Variants in JMJD1C observed in about 807,000 individuals in gnomAD.
JMJD1C encodes jumonji domain containing 1C, also known as jumonji domain-containing protein 1C.
Under a neutral mutation model 245.3 loss-of-function variants are expected in JMJD1C, and 31 were observed. The observed-to-expected ratio is 0.13, with a 90% CI of 0.09 to 0.17. The LOEUF (loss-of-function observed/expected upper bound fraction) is 0.17. JMJD1C is among the 10% of genes least tolerant of loss of function. The pLI is 1.00. For synonymous variants in JMJD1C, 1,057 were observed against 1,017.4 expected (o/e 1.04, Z -0.74); for missense variants, 2,691 against 3,000.2 (o/e 0.90, Z 2.41).
Position 63,208,011 on chromosome 10 carries a change from T to C in JMJD1C, c.3658A>G (p.Lys1220Glu). The part of the protein sequence containing the change: ...HPPIHHSLER[K>E]EGSYSSLSPP... ...GAAAGACTACTATAGCTGCCTTCCT[T>C]TCTTTCCAGGCTGTGATGGATTGGT... Residue 1220 changes from lysine to glutamate, a missense_variant, in exon 10 of 26, where the codon AAG becomes GAG. Lys to Glu is a moderately conservative substitution (Grantham distance 56, BLOSUM62 1). This residue lies in a region of JMJD1C where 1,562 missense variants were observed against 1,490.7 expected (regional missense o/e 1.05). Coordinates refer to ENST00000399262, the MANE Select transcript of JMJD1C (RefSeq NM_032776.3). 6.2e-7 allele frequency: 1 copy of C among 1,614,194 alleles called. No homozygotes were observed. The highest frequency in any genetic ancestry group is 8.5e-7 in the Non-Finnish European group (1 of 1,180,018).
intron 18 of JMJD1C, among the ~76,000 whole-genome samples, chr10:63,188,534 G>T (rs1844399552): frequency 1.3e-5 from 2 of 152,082 alleles, no homozygotes; most frequent in South Asian, 2.1e-4. Flanking sequence ...AATAAACAAA[G>T]TAAACATTTT....
intron 2 of JMJD1C, among the ~76,000 whole-genome samples, chr10:63,268,055 G>A (rs912611022): frequency 6.6e-6 from 1 of 151,626 alleles, no homozygotes; most frequent in African/African-American, 2.4e-5. Context: ...GGAAATTCAA[G>A]GAGCTTATGT....
chr10:63,391,137 G>C (rs1948020413), intron 1 of JMJD1C, among the ~76,000 whole-genome samples: 1 of 152,150 alleles, frequency 6.6e-6, no homozygotes, highest in African/African-American at 2.4e-5. Flanking sequence ...GATCAATTCA[G>C]TAAAGTTGCA....
intron 2 of JMJD1C, among the ~76,000 whole-genome samples, chr10:63,353,316 G>T (rs973152940): frequency 6.6e-6 from 1 of 152,092 alleles, no homozygotes; most frequent in African/African-American, 2.4e-5. Context: ...TTTGGGAAGG[G>T]GTCACGGTAA....
chr10:63,347,583 CA>C (rs551998323), intron 2 of JMJD1C, among the ~76,000 whole-genome samples: 256 of 65,358 alleles, frequency 3.9e-3, no homozygotes, highest in Middle Eastern at 0.01. Context: ...GAGTCCATCT[CA>C]AAAAAAAAAA....
chr10:63,328,932 C>T (rs1941829440), intron 2 of JMJD1C, among the ~76,000 whole-genome samples: 1 of 152,148 alleles, frequency 6.6e-6, no homozygotes, highest in African/African-American at 2.4e-5. Flanking sequence ...TCCACAGTGG[C>T]AGTGGAACTT....
chr10:63,386,281 A>T (rs967162875), intron 1 of JMJD1C, among the ~76,000 whole-genome samples: 1 of 151,900 alleles, frequency 6.6e-6, no homozygotes, highest in African/African-American at 2.4e-5. Flanking sequence ...GCCAGGGTCA[A>T]CACCCTAGCA....
At chr10:63,493,960 G>A (rs550577955) in intron 1 of JMJD1C, among the ~76,000 whole-genome samples, 2 of 152,274 alleles carry the variant, frequency 1.3e-5, no homozygotes, top group South Asian at 2.1e-4. Context: ...TTTTCTTCCC[G>A]TAGCTGGCAG....
At chr10:63,270,642 A>AT (rs1219319199) in intron 2 of JMJD1C, among the ~76,000 whole-genome samples, 1 of 151,950 alleles carries the variant, frequency 6.6e-6, no homozygotes, top group Non-Finnish European at 1.5e-5. Context: ...AACTCTTTGT[A>AT]TTTTTTGTAG....
chr10:63,447,642 T>G (rs192330658), intron 1 of JMJD1C, among the ~76,000 whole-genome samples: 1 of 152,096 alleles, frequency 6.6e-6, no homozygotes, highest in Non-Finnish European at 1.5e-5. Context: ...TAACCTGAAG[T>G]GATCAAATCT....
chr10:63,436,058 G>C (rs1022629940), intron 1 of JMJD1C, among the ~76,000 whole-genome samples: 4 of 152,130 alleles, frequency 2.6e-5, no homozygotes, highest in African/African-American at 9.7e-5. Flanking sequence ...CAGTGCATTG[G>C]AAGGCATTAA....
At chr10:63,305,137 G>A (rs1057147429) in intron 2 of JMJD1C, among the ~76,000 whole-genome samples, 1 of 151,980 alleles carries the variant, frequency 6.6e-6, no homozygotes, top group African/African-American at 2.4e-5. Flanking sequence ...GGGAGGCCGA[G>A]GCGGGCGGAT....
At chr10:63,451,005 T>C (rs1443386218) in intron 1 of JMJD1C, among the ~76,000 whole-genome samples, 1 of 150,806 alleles carries the variant, frequency 6.6e-6, no homozygotes, top group Non-Finnish European at 1.5e-5. Flanking sequence ...CAGTTGTGTT[T>C]CTATAAATCA....
intron 2 of JMJD1C, among the ~76,000 whole-genome samples, chr10:63,275,265 T>C (rs1432491108): frequency 1.3e-5 from 2 of 152,162 alleles, no homozygotes; most frequent in Non-Finnish European, 2.9e-5. Flanking sequence ...TTCATGCTGG[T>C]TGGCATGGGT....
At chr10:63,189,569 G>T (rs1230285774) in intron 17 of JMJD1C, 123 bp from the exon 18 acceptor site, 1 of 791,976 alleles carries the variant, frequency 1.3e-6, no homozygotes, top group Non-Finnish European at 1.9e-6. Context: ...ACTTCTCTTA[G>T]ATTTGAGTTC....
At chr10:63,390,778 T>C (rs1295934035) in intron 1 of JMJD1C, among the ~76,000 whole-genome samples, 1 of 152,142 alleles carries the variant, frequency 6.6e-6, no homozygotes, top group Non-Finnish European at 1.5e-5. Flanking sequence ...AGAAGAAGTA[T>C]TTGATAAAAT....
intron 1 of JMJD1C, among the ~76,000 whole-genome samples, chr10:63,412,075 T>A (rs920542420): frequency 3.9e-5 from 6 of 151,994 alleles, no homozygotes; most frequent in African/African-American, 9.7e-5. Flanking sequence ...ATGTGTTTTT[T>A]AAAAACATGA....
chr10:63,377,891 T>C (rs2134479118), intron 2 of JMJD1C, among the ~76,000 whole-genome samples: 1 of 143,862 alleles, frequency 7.0e-6, no homozygotes, highest in East Asian at 2.1e-4. Flanking sequence ...AAGTGAGATC[T>C]TGTCTAAATA....
chr10:63,190,810 T>G (rs1051537643), intron 17 of JMJD1C, 84 bp downstream of exon 17: 29 of 960,238 alleles, frequency 3.0e-5, no homozygotes, highest in Non-Finnish European at 4.7e-5. Flanking sequence ...ATCAGCATAC[T>G]GGGTAGTTCA....
Sources: allele counts gnomAD v4.1 joint callset (sites outside exome capture counted in the v4.1 genomes callset), GRCh38; gene constraint gnomAD v4.1.1; regional missense constraint gnomAD v4.1.1; transcripts MANE v1.5; gene names NCBI Gene and HGNC (gene_info 2026-07-23, HGNC 2026-07-21).